The following HPGDS variants were observed in gnomAD, a reference collection of about 807,000 sequenced individuals.
HPGDS encodes hematopoietic prostaglandin D synthase.
Under a neutral mutation model 23.1 loss-of-function variants are expected in HPGDS, and 26 were observed. That is an observed-to-expected ratio of 1.13 (90% CI 0.83 to 1.56). HPGDS has a LOEUF of 1.56. Ranked by LOEUF, HPGDS falls within the 40% of genes most tolerant of loss-of-function variation. The probability of loss-of-function intolerance (pLI) is 0.00; values close to 1 mark genes in which losing one functional copy is unlikely to be tolerated. For missense variants in HPGDS, 268 were observed against 236.4 expected (o/e 1.13, Z -0.88); for synonymous variants, 95 against 77.9 (o/e 1.22, Z -1.16).
chr4:94,330,291 G>C (rs1028578228), intron 2 of HPGDS, among the ~76,000 whole-genome samples: 4 of 152,284 alleles, frequency 2.6e-5, no homozygotes, highest in Non-Finnish European at 5.9e-5. Context: ...ATGATGATCA[G>C]AGAAACTAAC....
At chr4:94,331,633 C>A (rs1004467382) in intron 2 of HPGDS, among the ~76,000 whole-genome samples, 1 of 152,098 alleles carries the variant, frequency 6.6e-6, no homozygotes, top group African/African-American at 2.4e-5. Context: ...CTGGTTGTAG[C>A]CTTCTGATTG....
chr4:94,339,805 G>T (rs1056723396), intron 1 of HPGDS, among the ~76,000 whole-genome samples: 7 of 152,144 alleles, frequency 4.6e-5, no homozygotes, highest in Admixed American at 3.3e-4. Context: ...GGAGGGACCC[G>T]GTGGGAGATA....
At position 94,313,605 on chromosome 4, in the gene HPGDS, A is replaced by G; in HGVS notation, c.226+4268T>C. On this transcript the variant is annotated intron_variant, in intron 3 of 5. Transcript: ENST00000295256. ...TCATTTCAACTTTGGTGAATCTGACAATTATGTGTCTTGGAGTTGCTCTTC... is the reference window on the plus strand; with the variant it reads ...TCATTTCAACTTTGGTGAATCTGACGATTATGTGTCTTGGAGTTGCTCTTC... Among the ~76,000 whole-genome samples the G allele has an allele frequency of 1.3e-5, 2 of 151,894 alleles. 1 individual carries two copies. Among genetic ancestry groups the G allele is most frequent in the Non-Finnish European group, 2.9e-5 (2 of 68,006 alleles).
intron 1 of HPGDS, among the ~76,000 whole-genome samples, chr4:94,336,257 A>G (rs115179251): frequency 0.037 from 5,634 of 151,878 alleles, 338 homozygotes; most frequent in African/African-American, 0.13. Flanking sequence ...AAGGTTAAAC[A>G]CGAATCATAA....
intron 4 of HPGDS, among the ~76,000 whole-genome samples, chr4:94,306,614 C>G (rs1756143254): frequency 6.6e-6 from 1 of 152,052 alleles, no homozygotes; most frequent in Non-Finnish European, 1.5e-5. Flanking sequence ...AACTATTAAG[C>G]GGTTTTAGCA....
chr4:94,341,139 CT>C (rs1721163260), intron 1 of HPGDS, among the ~76,000 whole-genome samples: 1 of 151,912 alleles, frequency 6.6e-6, no homozygotes, highest in African/African-American at 2.4e-5. Context: ...CCCGGCCAAA[CT>C]TTTTTTTCTT....
At chr4:94,310,411 T>G (rs1021701023) in intron 3 of HPGDS, among the ~76,000 whole-genome samples, 15 of 152,208 alleles carry the variant, frequency 9.9e-5, no homozygotes, top group African/African-American at 3.1e-4. Context: ...TTCTTGTTTT[T>G]GTCAGGTTTG....
At chr4:94,326,656 G>A (rs1425824426) in intron 2 of HPGDS, among the ~76,000 whole-genome samples, 1 of 151,926 alleles carries the variant, frequency 6.6e-6, no homozygotes, top group East Asian at 1.9e-4. Flanking sequence ...ATCTCACTGA[G>A]TTTCTTTAAT....
At chr4:94,329,876 T>C (rs1472179824) in intron 2 of HPGDS, among the ~76,000 whole-genome samples, 1 of 152,224 alleles carries the variant, frequency 6.6e-6, no homozygotes, top group Non-Finnish European at 1.5e-5. Flanking sequence ...TTAAAAGGCA[T>C]TAAGGAATTT....
rs1057315298 is a variant in HPGDS at position 94,335,637 on chromosome 4, C to T, written c.-9-999G>A. ...TTAATGAGGTAATACATATAAGGTA[C>T]GTAGCACAATGGCAAACTTAATCAT... On this transcript the variant is annotated intron_variant, in intron 1 of 5. Coordinates refer to ENST00000295256, the MANE Select transcript of HPGDS (RefSeq NM_014485.3). Among the ~76,000 whole-genome samples, 5 of 152,078 alleles carry T rather than the reference C, an allele frequency of 3.3e-5. No individual in the cohort carries two copies. In the South Asian group the frequency reaches 6.2e-4, roughly 19 times the overall value.
intron 3 of HPGDS, among the ~76,000 whole-genome samples, chr4:94,313,972 A>G (rs1756337621): frequency 1.3e-5 from 2 of 152,120 alleles, no homozygotes; most frequent in South Asian, 2.1e-4. Flanking sequence ...TTCTCGTGCC[A>G]TGGTTTTCAG....
Position 94,299,361 on chromosome 4 carries a change from G to T in HPGDS, c.*119C>A. On this transcript the variant is annotated 3_prime_UTR_variant, in exon 6 of 6. Transcript: ENST00000295256. Reference sequence around the variant, plus strand: ...TTAAAAATCAGAATATGGCTAAAGTGAAAATCTTAGTGGAGCTGGGGAGGG... The same window carrying T: ...TTAAAAATCAGAATATGGCTAAAGTTAAAATCTTAGTGGAGCTGGGGAGGG... 1.2e-6 allele frequency: 1 copy of T among 829,126 alleles called. No individual in the cohort carries two copies. The highest frequency in any genetic ancestry group is 1.8e-6 in the Non-Finnish European group (1 of 554,708). The allele number at this position is 829,126 out of a possible 1,614,324, so 51.4% of individuals were successfully genotyped here.
intron 2 of HPGDS, among the ~76,000 whole-genome samples, chr4:94,322,433 T>C (rs1258629343): frequency 6.6e-6 from 1 of 152,236 alleles, no homozygotes; most frequent in African/African-American, 2.4e-5. Context: ...ATTGCCTCAA[T>C]TTCAGATCCT....
chr4:94,313,514 G>A (rs1386756345), intron 3 of HPGDS, among the ~76,000 whole-genome samples: 1 of 152,220 alleles, frequency 6.6e-6, no homozygotes, highest in Non-Finnish European at 1.5e-5. Context: ...TCAGCTGTTA[G>A]TCTGATGGGC....
At chr4:94,318,056 T>G (rs80143722) in intron 2 of HPGDS, 91 bp from the exon 3 acceptor site, 7,401 of 710,842 alleles carry the variant, frequency 0.01, 167 homozygotes, top group African/African-American at 0.074. Flanking sequence ...AAACAAAGCA[T>G]GATTTTATGG....
rs111236372 is a variant in HPGDS at position 94,318,042 on chromosome 4, G to A, written c.134-77C>T. ...ATTACTTCCATTTTTACTGATCATCGTGAAAACAAAGCATGATTTTATGGA... is the reference window on the plus strand; with the variant it reads ...ATTACTTCCATTTTTACTGATCATCATGAAAACAAAGCATGATTTTATGGA... On this transcript the variant is annotated intron_variant, in intron 2 of 5. Transcript: ENST00000295256. 6.1e-3 allele frequency: 4,834 copies of A among 788,034 alleles called. 35 individuals are homozygous for A. Among genetic ancestry groups the A allele is most frequent in the Middle Eastern group, 0.045 (191 of 4,198 alleles). The allele number at this position is 788,034 out of a possible 1,614,324, so 48.8% of individuals were successfully genotyped here.
At chr4:94,311,723 C>G (rs190290101) in intron 3 of HPGDS, among the ~76,000 whole-genome samples, 1 of 151,534 alleles carries the variant, frequency 6.6e-6, no homozygotes, top group Non-Finnish European at 1.5e-5. Flanking sequence ...GTACCAGCTC[C>G]TCCTTGTATC....
chr4:94,304,686 G>A (rs1579425660), intron 4 of HPGDS, among the ~76,000 whole-genome samples: 1 of 152,188 alleles, frequency 6.6e-6, no homozygotes, highest in East Asian at 1.9e-4. Context: ...TATCAGCAAT[G>A]TTTCTGCAAC....
intron 3 of HPGDS, among the ~76,000 whole-genome samples, chr4:94,313,099 A>T (rs1403535549): frequency 3.9e-5 from 6 of 152,090 alleles, no homozygotes; most frequent in South Asian, 4.1e-4. Context: ...CCAATTTGCC[A>T]GTCTGTGTCT....
Sources: gnomAD v4.1 joint callset for allele counts (sites outside exome capture counted in the v4.1 genomes callset) on GRCh38, gnomAD v4.1.1 for gene constraint, MANE v1.5 for transcripts, NCBI Gene and HGNC (gene_info 2026-07-23, HGNC 2026-07-21) for gene names.